Variants in PDE6A observed in about 807,000 individuals in gnomAD.
The protein encoded by PDE6A is rod cGMP-specific 3',5'-cyclic phosphodiesterase subunit alpha.
In PDE6A, 84 loss-of-function variants were observed where a neutral mutation model predicts 106.3. That is an observed-to-expected ratio of 0.79 (90% confidence interval 0.66 to 0.95). PDE6A has a LOEUF of 0.95. PDE6A is among the 40% of genes least tolerant of loss of function. PDE6A has a pLI of 0.00. For missense variants in PDE6A, 1,052 were observed against 1,084.9 expected (o/e 0.97, Z 0.43); for synonymous variants, 394 against 386.6 (o/e 1.02, Z -0.23).
chr5:149,918,138 T>G (rs1172460476), intron 5 of PDE6A, among the ~76,000 whole-genome samples: 1 of 152,230 alleles, frequency 6.6e-6, no homozygotes, highest in South Asian at 2.1e-4. Flanking sequence ...TTGACCCACA[T>G]GTGGTGATGG....
At position 149,860,860 on chromosome 5, in the gene PDE6A, G is replaced by C; in HGVS notation, c.*35C>G. 2 of 1,565,294 alleles carry C rather than the reference G, an allele frequency of 1.3e-6. No individual in the cohort carries two copies. On this transcript the variant is annotated 3_prime_UTR_variant, in exon 22 of 22. Coordinates refer to ENST00000255266, the MANE Select transcript of PDE6A (RefSeq NM_000440.3). Reference sequence around the variant, plus strand: ...CTTGAGTCATCTCTTCCCAGGAAAGGGTGGTGCCGTCCAGCCAGCACATCC... The same window carrying C: ...CTTGAGTCATCTCTTCCCAGGAAAGCGTGGTGCCGTCCAGCCAGCACATCC...
At chr5:149,922,618 A>G (rs1753755968) in intron 4 of PDE6A, among the ~76,000 whole-genome samples, 2 of 152,196 alleles carry the variant, frequency 1.3e-5, no homozygotes, top group Non-Finnish European at 2.9e-5. Flanking sequence ...GGCCCACAAC[A>G]AAGTATTAAC....
At chr5:149,932,176 G>A (rs924348528) in intron 3 of PDE6A, 4 of 1,230,316 alleles carry the variant, frequency 3.3e-6, no homozygotes, top group Middle Eastern at 2.0e-4. Flanking sequence ...ACAACAGTCA[G>A]GTCATCTGAT....
chr5:149,861,612 T>C (rs1270106342), intron 21 of PDE6A, among the ~76,000 whole-genome samples: 4 of 152,184 alleles, frequency 2.6e-5, no homozygotes, highest in Non-Finnish European at 4.4e-5. Context: ...ATCGTGCCAC[T>C]GCGCTCCAGC....
At chr5:149,901,273 A>G (rs1467157345) in intron 8 of PDE6A, among the ~76,000 whole-genome samples, 1 of 152,164 alleles carries the variant, frequency 6.6e-6, no homozygotes, top group Non-Finnish European at 1.5e-5. Flanking sequence ...TCACGCCTGT[A>G]ATCCCAGCAC....
intron 17 of PDE6A, among the ~76,000 whole-genome samples, chr5:149,869,067 C>T (rs750036007): frequency 4.6e-5 from 7 of 152,310 alleles, no homozygotes; most frequent in South Asian, 4.1e-4. Flanking sequence ...CCGTGGCTCA[C>T]GCCAGTAATC....
chr5:149,907,463 T>TGAGAGCAGGGGGA, intron 6 of PDE6A, 85 bp from the exon 7 acceptor site: 2 of 1,053,318 alleles, frequency 1.9e-6, no homozygotes, highest in Non-Finnish European at 3.0e-6. Context: ...GCGCTCCCCC[T>TGAGAGCAGGGGGA]GCTCTCAGGT....
In PDE6A at chr5:149,899,486, A is replaced by AT. The variant is rs771852834; in HGVS notation, c.1151dup (p.Asn384LysfsTer24). On this transcript the variant is annotated frameshift_variant, in exon 9 of 22. Coordinates refer to ENST00000255266, the MANE Select transcript of PDE6A (RefSeq NM_000440.3). LOFTEE classifies it high-confidence loss of function. The stretch of plus-strand genomic sequence containing the variant: ...TGTTCACAATCGGCATTGAAAGCAC[A>AT]TTTTTAATCATCCATCCAGACTCAT... 1.9e-6 allele frequency: 3 copies of AT among 1,614,138 alleles called. No individual in the cohort carries two copies. In the South Asian group the frequency reaches 3.3e-5, roughly 18 times the overall value.
rs139782141 is a variant in PDE6A, at chr5:149,942,290, G to A, written c.474+1910C>T. ...TTTTCATTTTTTCCTCTTCATTACG[G>A]TTCTTGCTATATTGCCCAGGCTGGA... On this transcript the variant is annotated intron_variant, in intron 1 of 21. Transcript: ENST00000255266. 2.5e-3 allele frequency among the ~76,000 whole-genome samples: 387 copies of A among 152,196 alleles called. 3 individuals carry two copies. Among genetic ancestry groups the A allele is most frequent in the African/African-American group, 8.8e-3 (364 of 41,522 alleles).
intron 1 of PDE6A, among the ~76,000 whole-genome samples, chr5:149,938,753 A>G (rs1461733808): frequency 6.6e-6 from 1 of 152,210 alleles, no homozygotes; most frequent in Non-Finnish European, 1.5e-5. Flanking sequence ...CTAAAATTCA[A>G]ACTTTACTGG....
intron 6 of PDE6A, among the ~76,000 whole-genome samples, chr5:149,909,967 T>C (rs996453791): frequency 6.6e-6 from 1 of 152,324 alleles, no homozygotes; most frequent in East Asian, 1.9e-4. Flanking sequence ...ATTATTCAAA[T>C]ATTCTATATT....
At chr5:149,932,580 G>A in intron 3 of PDE6A, 1 of 1,568,042 alleles carries the variant, frequency 6.4e-7, no homozygotes, top group South Asian at 1.1e-5. Context: ...GTTTGGCGGT[G>A]CTACTTTTAA....
At chr5:149,920,974 G>GAGAA (rs1561769372) in intron 5 of PDE6A, among the ~76,000 whole-genome samples, 1 of 131,050 alleles carries the variant, frequency 7.6e-6, no homozygotes, top group African/African-American at 4.0e-5. Flanking sequence ...AAGAAAGAAA[G>GAGAA]AAAGAAAGAA....
At chr5:149,871,911 A>G (rs1039601379) in intron 17 of PDE6A, among the ~76,000 whole-genome samples, 1 of 152,214 alleles carries the variant, frequency 6.6e-6, no homozygotes, top group African/African-American at 2.4e-5. Flanking sequence ...TAGGAAGTCA[A>G]CTCAGCAGCA....
rs1184227550 is a variant in PDE6A at position 149,882,234 on chromosome 5, AAG to A, written c.2135+1193_2135+1194del. Among the ~76,000 whole-genome samples, 5 of 152,056 alleles carry A rather than the reference AAG, an allele frequency of 3.3e-5. No individual in the cohort carries two copies. The East Asian group carries it at 9.7e-4, about 29-fold the overall frequency. Reference sequence around the variant, plus strand: ...GCCTGGTTGGACAACTGCAGGGCTGAAGGAGTGGCAACTTGCTGCTGCCCCCC... The same window carrying A: ...GCCTGGTTGGACAACTGCAGGGCTGAGAGTGGCAACTTGCTGCTGCCCCCC... On this transcript the variant is annotated intron_variant, in intron 17 of 21. Transcript: ENST00000255266.
chr5:149,900,375 G>GTGTATATA lies in PDE6A; in HGVS notation c.1114-852_1114-851insTATATACA, dbSNP rs371287292. Among the ~76,000 whole-genome samples the GTGTATATA allele has an allele frequency of 2.5e-3, 207 of 82,658 alleles. 6 individuals are homozygous for GTGTATATA. Among genetic ancestry groups the GTGTATATA allele is most frequent in the African/African-American group, 6.7e-3 (176 of 26,290 alleles). 54.2% of individuals were successfully genotyped at this position (82,658 alleles called of 152,430 possible). ...AGACTCCATCTCGAAAAATATATAT[G>GTGTATATA]TATATATATATATATATATATATCC... On this transcript the variant is annotated intron_variant, in intron 8 of 21. Coordinates refer to ENST00000255266, the MANE Select transcript of PDE6A (RefSeq NM_000440.3).
intron 7 of PDE6A, 53 bp downstream of exon 7, chr5:149,907,259 C>G (rs2113616005): frequency 7.6e-7 from 1 of 1,319,648 alleles, no homozygotes; most frequent in African/African-American, 1.4e-5. Flanking sequence ...AATCCTTCCA[C>G]TCTTTCTTCC....
At chr5:149,895,634 G>GAA (rs56836177) in intron 12 of PDE6A, among the ~76,000 whole-genome samples, 3 of 146,440 alleles carry the variant, frequency 2.0e-5, no homozygotes, top group African/African-American at 7.4e-5. Context: ...GCTCTACAGG[G>GAA]AAAAAAAAAA....
intron 9 of PDE6A, among the ~76,000 whole-genome samples, chr5:149,899,058 G>A (rs1752868695): frequency 6.6e-6 from 1 of 152,046 alleles, no homozygotes; most frequent in African/African-American, 2.4e-5. Context: ...GTAGAAATAG[G>A]ATATTGCCCT....
Sources: gnomAD v4.1 joint callset for allele counts (sites outside exome capture counted in the v4.1 genomes callset) on GRCh38, gnomAD v4.1.1 for gene constraint, MANE v1.5 for transcripts, NCBI Gene and HGNC (gene_info 2026-07-23, HGNC 2026-07-21) for gene names.